The following KIAA1217 variants were observed in gnomAD, a reference collection of about 807,000 sequenced individuals.
KIAA1217 encodes the protein KIAA1217, also known as sickle tail protein homolog.
Under a neutral mutation model 163.9 loss-of-function variants are expected in KIAA1217, and 88 were observed. The observed-to-expected ratio is 0.54, with a 90% CI of 0.45 to 0.64. The LOEUF is 0.64. Ranked by LOEUF, KIAA1217 falls within the 30% of genes least tolerant of loss-of-function variation. KIAA1217 has a pLI of 0.00. For synonymous variants in KIAA1217, 903 were observed against 923.1 expected, an observed-to-expected ratio of 0.98 and a Z score of 0.39; for missense variants, 2,372 against 2,475.0, an observed-to-expected ratio of 0.96 and a Z score of 0.88.
intron 1 of KIAA1217, among the ~76,000 whole-genome samples, chr10:23,788,336 A>C (rs1835588325): frequency 6.6e-6 from 1 of 152,238 alleles, no homozygotes; most frequent in Admixed American, 6.5e-5. Context: ...AATGGAATTC[A>C]TAGACCTTTA....
At chr10:23,785,169 T>C (rs1835434618) in intron 1 of KIAA1217, among the ~76,000 whole-genome samples, 1 of 152,176 alleles carries the variant, frequency 6.6e-6, no homozygotes, top group Admixed American at 6.5e-5. Context: ...TCTGTCACTC[T>C]CCAGCATAAT....
intron 2 of KIAA1217, among the ~76,000 whole-genome samples, chr10:24,317,283 T>TTATG (rs2043519924): frequency 6.6e-6 from 1 of 152,132 alleles, no homozygotes; most frequent in Non-Finnish European, 1.5e-5. Context: ...TTGTTACTTT[T>TTATG]TATTTATTTA....
intron 1 of KIAA1217, among the ~76,000 whole-genome samples, chr10:23,828,306 C>A (rs969572105): frequency 6.6e-6 from 1 of 152,088 alleles, no homozygotes; most frequent in African/African-American, 2.4e-5. Context: ...AGGAACACAT[C>A]CTCTGATACA....
intron 1 of KIAA1217, among the ~76,000 whole-genome samples, chr10:24,001,944 T>A (rs1356513773): frequency 6.6e-6 from 1 of 151,786 alleles, no homozygotes. Flanking sequence ...AGACAGAGGG[T>A]GTCACACACA....
At chr10:23,964,929 A>T (rs1229373570) in intron 1 of KIAA1217, among the ~76,000 whole-genome samples, 1 of 152,176 alleles carries the variant, frequency 6.6e-6, no homozygotes, top group Non-Finnish European at 1.5e-5. Flanking sequence ...ATTCTAAGAG[A>T]CAGAAAGAAT....
chr10:24,256,224 C>T (rs1241441609), intron 2 of KIAA1217, among the ~76,000 whole-genome samples: 1 of 152,132 alleles, frequency 6.6e-6, no homozygotes, highest in Non-Finnish European at 1.5e-5. Flanking sequence ...TGCCTGACTA[C>T]AACTCTGCAC....
At chr10:23,949,316 GGATGAGATTTTGTAA>G in intron 1 of KIAA1217, among the ~76,000 whole-genome samples, 1 of 152,272 alleles carries the variant, frequency 6.6e-6, no homozygotes, top group South Asian at 2.1e-4. Context: ...TGGGAAACTC[GGATGAGATTTTGTAA>G]GCCTGATTAT....
At chr10:23,703,930 A>G (rs531803640) in intron 1 of KIAA1217, among the ~76,000 whole-genome samples, 211 of 150,966 alleles carry the variant, frequency 1.4e-3, no homozygotes, top group African/African-American at 5.0e-3. Context: ...TTGTATTGCC[A>G]AAGAGCAATA....
At chr10:23,803,913 T>C (rs1836607918) in intron 1 of KIAA1217, among the ~76,000 whole-genome samples, 1 of 152,142 alleles carries the variant, frequency 6.6e-6, no homozygotes, top group South Asian at 2.1e-4. Context: ...ACAAAGACAT[T>C]GATGCAGACT....
chr10:24,243,874 A>G (rs1031950363), intron 2 of KIAA1217, among the ~76,000 whole-genome samples: 1 of 152,140 alleles, frequency 6.6e-6, no homozygotes, highest in Non-Finnish European at 1.5e-5. Flanking sequence ...TTTTTATTAC[A>G]CTTAATTGTC....
intron 2 of KIAA1217, among the ~76,000 whole-genome samples, chr10:24,309,799 C>A (rs1226522273): frequency 6.6e-6 from 1 of 152,146 alleles, no homozygotes; most frequent in African/African-American, 2.4e-5. Flanking sequence ...GTGCACCCAG[C>A]ACAGGGTGGC....
At chr10:24,187,128 G>T (rs78474297) in intron 2 of KIAA1217, among the ~76,000 whole-genome samples, 6,922 of 96,290 alleles carry the variant, frequency 0.072, 506 homozygotes, top group African/African-American at 0.2. Flanking sequence ...GTCCATCGGA[G>T]CTGTTCATTA....
intron 2 of KIAA1217, among the ~76,000 whole-genome samples, chr10:24,061,593 C>T (rs2060723954): frequency 6.6e-6 from 1 of 152,170 alleles, no homozygotes; most frequent in Non-Finnish European, 1.5e-5. Flanking sequence ...AAACTCTCAG[C>T]TCTGTATGTC....
At chr10:24,357,617 G>T (rs2049280380) in intron 2 of KIAA1217, among the ~76,000 whole-genome samples, 1 of 152,206 alleles carries the variant, frequency 6.6e-6, no homozygotes, top group African/African-American at 2.4e-5. Flanking sequence ...ATAGAAACCA[G>T]AGGTTTGCAA....
intron 3 of KIAA1217, among the ~76,000 whole-genome samples, chr10:24,385,062 G>T (rs975763316): frequency 5.3e-5 from 8 of 152,206 alleles, no homozygotes; most frequent in African/African-American, 1.9e-4. Flanking sequence ...CTGGCACGTG[G>T]TGCCACAGTT....
chr10:24,536,279 G>A (rs767768040), intron 16 of KIAA1217, among the ~76,000 whole-genome samples: 15 of 152,036 alleles, frequency 9.9e-5, no homozygotes, highest in Non-Finnish European at 1.0e-4. Context: ...CTCGGAGCGC[G>A]GTAGTACCTG....
At chr10:24,234,111 C>T (rs917032309) in intron 2 of KIAA1217, among the ~76,000 whole-genome samples, 1 of 152,048 alleles carries the variant, frequency 6.6e-6, no homozygotes, top group Non-Finnish European at 1.5e-5. Flanking sequence ...GGTTGAGTAT[C>T]CCTAATCTGA....
At chr10:24,110,961 C>A (rs1462760763) in intron 2 of KIAA1217, among the ~76,000 whole-genome samples, 1 of 151,932 alleles carries the variant, frequency 6.6e-6, no homozygotes, top group African/African-American at 2.4e-5. Flanking sequence ...TTTATGCATT[C>A]TTATAACTTA....
chr10:24,478,080 G>A (rs1714287159), intron 6 of KIAA1217, among the ~76,000 whole-genome samples: 1 of 152,236 alleles, frequency 6.6e-6, no homozygotes, highest in Non-Finnish European at 1.5e-5. Context: ...AAAAACACCA[G>A]TGGGAGGCTG....
Sources: gnomAD v4.1 joint callset for allele counts (sites outside exome capture counted in the v4.1 genomes callset) on GRCh38, gnomAD v4.1.1 for gene constraint, MANE v1.5 for transcripts, NCBI Gene and HGNC (gene_info 2026-07-23, HGNC 2026-07-21) for gene names.